SRRM4: variants seen among roughly 807,000 people sequenced by gnomAD.
The protein encoded by SRRM4 is serine/arginine repetitive matrix 4.
In SRRM4, 33 loss-of-function variants were observed where a neutral mutation model predicts 68.9. That is an observed-to-expected ratio of 0.48 (90% confidence interval 0.36 to 0.64). SRRM4 has a LOEUF of 0.64. Among genes scored for constraint, SRRM4 ranks in the 30% least tolerant of loss-of-function variants. The pLI is 0.00. For missense variants in SRRM4, 817 were observed against 827.1 expected (o/e 0.99, Z 0.15); for synonymous variants, 318 against 318.8 (o/e 1.00, Z 0.03).
intron 1 of SRRM4, among the ~76,000 whole-genome samples, chr12:118,994,675 C>T (rs749971977): frequency 1.3e-5 from 2 of 152,220 alleles, no homozygotes; most frequent in East Asian, 1.9e-4. Context: ...TTCTACTCCA[C>T]CACCTAGTAG....
At chr12:119,027,606 T>C (rs979847575) in intron 1 of SRRM4, among the ~76,000 whole-genome samples, 5 of 152,348 alleles carry the variant, frequency 3.3e-5, no homozygotes, top group South Asian at 4.1e-4. Context: ...GTTTATGTTA[T>C]AACTGAGGTG....
At chr12:119,146,220 T>A (rs1313932479) in intron 9 of SRRM4, among the ~76,000 whole-genome samples, 1 of 152,072 alleles carries the variant, frequency 6.6e-6, no homozygotes, top group Non-Finnish European at 1.5e-5. Flanking sequence ...AAAGCCAGGT[T>A]ATTGGTATCA....
At chr12:118,995,607 T>A (rs1433080614) in intron 1 of SRRM4, among the ~76,000 whole-genome samples, 1 of 152,206 alleles carries the variant, frequency 6.6e-6, no homozygotes, top group Admixed American at 6.5e-5. Flanking sequence ...GGAAACAAGT[T>A]TCCCTAGGAA....
Position 119,145,601 on chromosome 12 carries a change from G to C in SRRM4, c.992G>C (p.Gly331Ala). The C allele has an allele frequency of 6.3e-7, 1 of 1,577,824 alleles. No individual in the cohort carries two copies. The highest frequency in any genetic ancestry group is 8.6e-7 in the Non-Finnish European group (1 of 1,162,680). ...ELNSGNTSDS[G>A]NSFTTSSPQN... ...AACAGTGGCAACACCTCTGATTCAG[G>C]GAACTCCTTCACCACCTCCTCACCC... is the stretch of plus-strand genomic sequence containing the variant. Residue 331 changes from glycine to alanine, a missense_variant, in exon 9 of 13, where the codon GGG becomes GCG. Gly to Ala is a moderately conservative substitution (Grantham distance 60). Transcript: ENST00000267260.
intron 8 of SRRM4, among the ~76,000 whole-genome samples, chr12:119,143,363 T>C (rs1954378850): frequency 6.6e-6 from 1 of 152,180 alleles, no homozygotes; most frequent in Non-Finnish European, 1.5e-5. Flanking sequence ...AAAGCTGCCC[T>C]AACATTTGTG....
At chr12:119,022,069 T>C (rs1171796239) in intron 1 of SRRM4, among the ~76,000 whole-genome samples, 7 of 152,194 alleles carry the variant, frequency 4.6e-5, no homozygotes, top group East Asian at 3.9e-4. Context: ...AGTTAATGCA[T>C]GTGGGGCTTA....
In SRRM4 at chr12:119,154,435, T is replaced by C. The variant is rs368332078; in HGVS notation, c.1532+52T>C. The stretch of plus-strand genomic sequence containing the variant: ...ACCTTCATCCTCGTTCCCACTCCCA[T>C]TCTTACTCATTCGAGCCTCAGGCTC... On this transcript the variant is annotated intron_variant, in intron 12 of 12. Transcript: ENST00000267260. This position sits in a 1 kb window ranked among gnomAD's most constrained non-coding sequence, Gnocchi z 4.7. 1.9e-6 allele frequency: 3 copies of C among 1,590,576 alleles called. No homozygotes were observed. In the African/African-American group the frequency reaches 4.0e-5, roughly 21 times the overall value.
chr12:118,982,819 G>A (rs1227183321), intron 1 of SRRM4, among the ~76,000 whole-genome samples: 1 of 151,980 alleles, frequency 6.6e-6, no homozygotes, highest in East Asian at 1.9e-4. Flanking sequence ...CAGGAGGTGG[G>A]GTGAGAGGGA....
intron 1 of SRRM4, among the ~76,000 whole-genome samples, chr12:119,019,665 G>A (rs1953502326): frequency 1.3e-5 from 2 of 152,140 alleles, no homozygotes; most frequent in Admixed American, 1.3e-4. Context: ...CTCTGCTCAT[G>A]AACATCCTGC....
intron 4 of SRRM4, among the ~76,000 whole-genome samples, chr12:119,119,050 A>ATTT (rs34814921): frequency 0.036 from 4,829 of 135,698 alleles, 133 homozygotes; most frequent in Non-Finnish European, 0.048. Flanking sequence ...AAGCACTGAG[A>ATTT]TTTTTTTTTT....
At chr12:119,130,632 A>T in intron 7 of SRRM4, 46 bp from the exon 8 acceptor site, 1 of 1,579,472 alleles carries the variant, frequency 6.3e-7, no homozygotes. Context: ...TCTCCCTACC[A>T]TGCTCCCCTT....
At chr12:119,112,798 G>A (rs1443029255) in intron 2 of SRRM4, among the ~76,000 whole-genome samples, 1 of 152,172 alleles carries the variant, frequency 6.6e-6, no homozygotes, top group Non-Finnish European at 1.5e-5. Context: ...ACTGGGGCCT[G>A]TTGGGGGAGA....
intron 2 of SRRM4, among the ~76,000 whole-genome samples, 168 bp downstream of exon 2, chr12:119,102,550 C>A (rs569834235): frequency 6.6e-6 from 1 of 152,184 alleles, no homozygotes; most frequent in African/African-American, 2.4e-5. Flanking sequence ...GTTTGTAGAC[C>A]CAGTGGTTTC....
At chr12:119,052,589 C>A (rs1487107777) in intron 1 of SRRM4, among the ~76,000 whole-genome samples, 1 of 152,084 alleles carries the variant, frequency 6.6e-6, no homozygotes, top group Non-Finnish European at 1.5e-5. Context: ...AGTGTAGTAG[C>A]GCGATCTCGG....
rs1954496308 is a variant in SRRM4 at position 119,159,585 on chromosome 12, T to G, written c.*2787T>G. The G allele has an allele frequency of 6.6e-6, 1 of 152,198 alleles. No homozygotes were observed. 9.4% of individuals were successfully genotyped at this position (152,198 alleles called of 1,614,324 possible). A position where few individuals can be genotyped will look rare whatever the true frequency, so the allele number is the denominator to read the frequency against. ...TGACAAGGTGCTCACACCATGAGAA[T>G]GGAGGCAGGAATTGAGCTGACTGAG... On this transcript the variant is annotated 3_prime_UTR_variant, in exon 13 of 13. Transcript: ENST00000267260.
intron 1 of SRRM4, among the ~76,000 whole-genome samples, chr12:119,012,511 A>T (rs981663213): frequency 6.6e-6 from 1 of 152,198 alleles, no homozygotes; most frequent in African/African-American, 2.4e-5. Flanking sequence ...GGGCAAATTT[A>T]TAACAATTAT....
At chr12:119,013,646 A>G (rs1953463286) in intron 1 of SRRM4, among the ~76,000 whole-genome samples, 1 of 152,232 alleles carries the variant, frequency 6.6e-6, no homozygotes, top group Non-Finnish European at 1.5e-5. Context: ...TTTTTAAAAT[A>G]TATGACTGCA....
Position 119,122,088 on chromosome 12 carries a change from C to T in SRRM4, c.483C>T (p.Ser161=). 1 of 1,611,152 alleles carries T rather than the reference C, an allele frequency of 6.2e-7. No individual in the cohort carries two copies. Among genetic ancestry groups the T allele is most frequent in the Non-Finnish European group, 8.5e-7 (1 of 1,177,520 alleles). ...TGTTTAGCTCCTCTAGCCCAAAAAG[C>T]AAAAGAAGAGATGAGAAGAGGCACA... ...KRRHSSSSPK[S]KRRDEKRHKK... is the part of the protein sequence containing the mutation. The change falls in exon 6 of 13, where the codon AGC becomes AGT. Residue 161 remains serine (S), a synonymous_variant. Transcript: ENST00000267260.
At chr12:119,108,734 T>A (rs1308252607) in intron 2 of SRRM4, among the ~76,000 whole-genome samples, 5 of 152,170 alleles carry the variant, frequency 3.3e-5, no homozygotes, top group African/African-American at 1.2e-4. Context: ...GAGATGGGTC[T>A]CTTGAATACA....
Sources: allele counts gnomAD v4.1 joint callset (sites outside exome capture counted in the v4.1 genomes callset), GRCh38; gene constraint gnomAD v4.1.1; non-coding constraint Gnocchi (gnomAD v3.1); transcripts MANE v1.5; gene names NCBI Gene and HGNC (gene_info 2026-07-23, HGNC 2026-07-21).